Variants in KLF12 observed in about 807,000 individuals in gnomAD.
KLF12 encodes KLF transcription factor 12.
A neutral mutation model predicts 37.8 loss-of-function variants in KLF12; 9 were observed. The observed-to-expected ratio is 0.24, with a 90% CI of 0.14 to 0.42. The LOEUF (loss-of-function observed/expected upper bound fraction) is 0.42. Ranked by LOEUF, KLF12 falls within the 10% of genes least tolerant of loss-of-function variation. KLF12 has a pLI of 1.00. For synonymous variants in KLF12, 208 were observed against 202.1 expected (o/e 1.03, Z -0.25); for missense variants, 411 against 516.0 (o/e 0.80, Z 1.97).
intron 7 of KLF12, among the ~76,000 whole-genome samples, chr13:73,703,056 T>C (rs930576726): frequency 2.0e-5 from 3 of 152,112 alleles, no homozygotes; most frequent in African/African-American, 7.2e-5. Flanking sequence ...TAGTCACCTA[T>C]ATGAGATTGA....
At chr13:74,083,493 GACACACACACACACACACACACAC>G (rs61312097) in intron 1 of KLF12, among the ~76,000 whole-genome samples, 1 of 136,420 alleles carries the variant, frequency 7.3e-6, no homozygotes, top group Non-Finnish European at 1.6e-5. Flanking sequence ...GGCGATAGGA[GACACACACACACACACACACACAC>G]ACACACACAC....
chr13:73,930,346 C>T (rs1015868223), intron 3 of KLF12, among the ~76,000 whole-genome samples: 3 of 152,042 alleles, frequency 2.0e-5, no homozygotes, highest in Non-Finnish European at 4.4e-5. Flanking sequence ...TTATTTTTGC[C>T]TCTTACAGTT....
At chr13:74,225,129 T>C in the KLF12 span, among the ~76,000 whole-genome samples, 1 of 152,132 alleles carries the variant, frequency 6.6e-6, no homozygotes, top group African/African-American at 2.4e-5. Context: ...CTACCCATAC[T>C]CAGATACAGG....
At chr13:74,273,828 A>C in the KLF12 span, among the ~76,000 whole-genome samples, 1 of 152,124 alleles carries the variant, frequency 6.6e-6, no homozygotes, top group East Asian at 1.9e-4. Flanking sequence ...TGGGTTGAAG[A>C]CAGTCTTCCA....
At chr13:74,063,386 C>T (rs1026317141) in intron 1 of KLF12, among the ~76,000 whole-genome samples, 3 of 151,840 alleles carry the variant, frequency 2.0e-5, no homozygotes, top group African/African-American at 7.2e-5. Context: ...TCAGACTGCA[C>T]TATTATTTCC....
rs190066952 is a variant in KLF12, at chr13:73,954,464, T to G, written c.34-10394A>C. Among the ~76,000 whole-genome samples, 474 of 152,350 alleles carry G rather than the reference T, an allele frequency of 3.1e-3. 5 individuals carry two copies. The highest frequency in any genetic ancestry group is 0.011 in the African/African-American group (442 of 41,582). On this transcript the variant is annotated intron_variant, in intron 2 of 7. Coordinates refer to ENST00000377669, the MANE Select transcript of KLF12 (RefSeq NM_007249.5). ...GGCAGAAAAAATGATCTTTAGATTT[T>G]TACTTCATCCAAGAAAGGTTATCAA...
intron 6 of KLF12, among the ~76,000 whole-genome samples, chr13:73,748,357 T>C (rs1454538384): frequency 1.3e-5 from 2 of 152,128 alleles, no homozygotes; most frequent in African/African-American, 4.8e-5. Flanking sequence ...AATGTCTGTG[T>C]CCCCCAAAAT....
At chr13:74,205,501 T>C in the KLF12 span, among the ~76,000 whole-genome samples, 1 of 152,108 alleles carries the variant, frequency 6.6e-6, no homozygotes, top group South Asian at 2.1e-4. Context: ...TCAAGTGTAT[T>C]GAGTAAAGAA....
intron 2 of KLF12, among the ~76,000 whole-genome samples, chr13:73,985,641 G>T (rs966577108): frequency 6.6e-6 from 1 of 151,954 alleles, no homozygotes; most frequent in Admixed American, 6.6e-5. Flanking sequence ...ATTGTCAAGC[G>T]GCCTTTCATT....
At chr13:73,846,466 T>C in intron 3 of KLF12, 93 bp from the exon 4 acceptor site, 1 of 1,132,608 alleles carries the variant, frequency 8.8e-7, no homozygotes, top group Non-Finnish European at 1.3e-6. Context: ...TTACTTTTTC[T>C]CTTATTGCTA....
At chr13:74,021,499 G>A (rs1449875617) in intron 1 of KLF12, among the ~76,000 whole-genome samples, 3 of 152,066 alleles carry the variant, frequency 2.0e-5, no homozygotes. Flanking sequence ...GGGGAACAGG[G>A]AAAAGTTTGG....
intron 6 of KLF12, among the ~76,000 whole-genome samples, chr13:73,740,310 A>G (rs1381893859): frequency 6.6e-6 from 1 of 152,176 alleles, no homozygotes; most frequent in Non-Finnish European, 1.5e-5. Context: ...CCCTTACCAG[A>G]CACTGAATCT....
At chr13:74,264,399 T>C in the KLF12 span, among the ~76,000 whole-genome samples, 8 of 152,176 alleles carry the variant, frequency 5.3e-5, no homozygotes, top group Non-Finnish European at 1.0e-4. Context: ...AAAAGGGTAG[T>C]CTTGAGTTGC....
At chr13:74,224,170 C>T in the KLF12 span, among the ~76,000 whole-genome samples, 1 of 152,064 alleles carries the variant, frequency 6.6e-6, no homozygotes, top group Non-Finnish European at 1.5e-5. Context: ...CCAATATACG[C>T]ACTAATGTGT....
chr13:73,865,402 G>T (rs960168435), intron 3 of KLF12, among the ~76,000 whole-genome samples: 2 of 152,050 alleles, frequency 1.3e-5, no homozygotes, highest in Admixed American at 1.3e-4. Context: ...TCTCATATTA[G>T]AAACAGTAAC....
the KLF12 span, among the ~76,000 whole-genome samples, chr13:74,278,246 G>A: frequency 6.6e-6 from 1 of 152,238 alleles, no homozygotes; most frequent in East Asian, 1.9e-4. Context: ...GGAATCTGGT[G>A]ACAGCTGCCA....
the KLF12 span, among the ~76,000 whole-genome samples, chr13:74,271,984 T>C: frequency 4.6e-5 from 7 of 152,208 alleles, no homozygotes; most frequent in Admixed American, 3.9e-4. Flanking sequence ...GTATTTGCAA[T>C]CTTATTGGCA....
At chr13:73,839,738 C>A (rs947568086) in intron 4 of KLF12, among the ~76,000 whole-genome samples, 20 of 152,096 alleles carry the variant, frequency 1.3e-4, no homozygotes, top group African/African-American at 4.8e-4. Context: ...TGTGAACACA[C>A]CTGCATCTTG....
At chr13:73,928,173 T>G (rs1169448070) in intron 3 of KLF12, among the ~76,000 whole-genome samples, 1 of 152,224 alleles carries the variant, frequency 6.6e-6, no homozygotes, top group African/African-American at 2.4e-5. Flanking sequence ...ATCTCTTAAG[T>G]CCACGATGAT....
Sources: gnomAD v4.1 joint callset for allele counts (sites outside exome capture counted in the v4.1 genomes callset) on GRCh38, gnomAD v4.1.1 for gene constraint, MANE v1.5 for transcripts, NCBI Gene and HGNC (gene_info 2026-07-23, HGNC 2026-07-21) for gene names.